The following SLC6A17 variants were observed in gnomAD, a reference collection of about 807,000 sequenced individuals.
SLC6A17 encodes the protein sodium-dependent neutral amino acid transporter SLC6A17.
SLC6A17 carries 21 observed loss-of-function variants against 64.5 expected under a neutral mutation model. The observed-to-expected ratio is 0.33, with a 90% CI of 0.23 to 0.47. The LOEUF is 0.47. SLC6A17 is among the 20% of genes least tolerant of loss of function. SLC6A17 has a pLI of 1.00. For missense variants in SLC6A17, 682 were observed against 963.2 expected (o/e 0.71, Z 3.86); for synonymous variants, 372 against 399.5 (o/e 0.93, Z 0.82).
intron 1 of SLC6A17, among the ~76,000 whole-genome samples, chr1:110,153,377 C>T: frequency 6.6e-6 from 1 of 152,110 alleles, no homozygotes; most frequent in African/African-American, 2.4e-5. Flanking sequence ...CCCTGGGCCC[C>T]TAGTTTTCTC....
intron 6 of SLC6A17, among the ~76,000 whole-genome samples, chr1:110,186,326 T>C (rs1013948450): frequency 1.3e-5 from 2 of 151,986 alleles, no homozygotes; most frequent in Admixed American, 1.3e-4. Flanking sequence ...TTATTGATCC[T>C]AAACCTTTTA....
intron 8 of SLC6A17, among the ~76,000 whole-genome samples, chr1:110,193,121 T>C (rs1656874784): frequency 6.6e-6 from 1 of 152,170 alleles, no homozygotes; most frequent in African/African-American, 2.4e-5. Flanking sequence ...ATGAGTTGAG[T>C]ATTCATATTG....
In SLC6A17 at chr1:110,202,007, C is replaced by G. The variant is rs1657140661; in HGVS notation, c.*3563C>G. The G allele has an allele frequency of 6.6e-6, 1 of 152,108 alleles. No individual in the cohort carries two copies. The highest frequency in any genetic ancestry group is 2.4e-5 in the African/African-American group (1 of 41,382). The allele number at this position is 152,108 out of a possible 1,614,324, so 9.4% of individuals were successfully genotyped here. On this transcript the variant is annotated 3_prime_UTR_variant, in exon 12 of 12. Transcript: ENST00000331565. ...ATTGAAAGCTCTGCTTTATACAGAC[C>G]CAAGCATACACACCAGGCCGTCACT... is the stretch of plus-strand genomic sequence containing the variant.
chr1:110,198,244 A>G lies in SLC6A17; in HGVS notation c.1984A>G (p.Lys662Glu). 6.2e-7 allele frequency: 1 copy of G among 1,614,150 alleles called. No homozygotes were observed. The highest frequency in any genetic ancestry group is 8.5e-7 in the Non-Finnish European group (1 of 1,180,020). ...SVSYKKGRMM[K>E]DISNLEENDE... Reference sequence around the variant, plus strand: ...GTCCTACAAGAAGGGCCGCATGATGAAGGACATCTCCAACCTGGAGGAGAA... The same window carrying G: ...GTCCTACAAGAAGGGCCGCATGATGGAGGACATCTCCAACCTGGAGGAGAA... Residue 662 changes from lysine (K) to glutamate (E), a missense_variant, in exon 12 of 12, where the codon AAG becomes GAG. By Grantham distance (56) the Lys-to-Glu change is moderately conservative. Transcript: ENST00000331565.
chr1:110,174,357 T>G (rs1487719790), intron 4 of SLC6A17, among the ~76,000 whole-genome samples: 1 of 152,214 alleles, frequency 6.6e-6, no homozygotes, highest in African/African-American at 2.4e-5. Flanking sequence ...ACCCTGTTAT[T>G]CCACTTCACA....
chr1:110,188,326 G>A (rs578002184), intron 6 of SLC6A17, among the ~76,000 whole-genome samples: 4 of 152,306 alleles, frequency 2.6e-5, no homozygotes, highest in African/African-American at 9.6e-5. Flanking sequence ...CCAGACATCC[G>A]CCTATGCAAG....
chr1:110,186,320 T>TGATC (rs1343662730), intron 6 of SLC6A17, among the ~76,000 whole-genome samples: 1 of 152,032 alleles, frequency 6.6e-6, no homozygotes, highest in Non-Finnish European at 1.5e-5. Context: ...ACATCTTTAT[T>TGATC]GATCCTAAAC....
At chr1:110,190,442 G>T (rs1040696253) in intron 6 of SLC6A17, among the ~76,000 whole-genome samples, 2 of 152,134 alleles carry the variant, frequency 1.3e-5, no homozygotes, top group African/African-American at 4.8e-5. Flanking sequence ...CTCTGCCAGC[G>T]CTCTGAGCTT....
Position 110,176,699 on chromosome 1 carries a change from G to C in SLC6A17, c.824G>C (p.Arg275Pro). The C allele has an allele frequency of 6.2e-7, 1 of 1,614,064 alleles. No homozygotes were observed. The highest frequency in any genetic ancestry group is 8.5e-7 in the Non-Finnish European group (1 of 1,179,970). The stretch of plus-strand genomic sequence containing the variant: ...TTCCTGGTCCGGGGGCTGTTGCTGC[G>C]AGGGGCAGTTGATGGCATCCTACAC... ...ACFLVRGLLL[R>P]GAVDGILHMF... The change falls in exon 6 of 12, where the codon CGA becomes CCA. Residue 275 changes from arginine (R) to proline (P), a missense_variant. This residue lies in a region of SLC6A17 where 415 missense variants were observed against 603.8 expected (regional missense o/e 0.69). Coordinates refer to ENST00000331565, the MANE Select transcript of SLC6A17 (RefSeq NM_001010898.4).
intron 1 of SLC6A17, among the ~76,000 whole-genome samples, chr1:110,159,646 T>G (rs142954044): frequency 6.6e-6 from 1 of 152,352 alleles, no homozygotes; most frequent in East Asian, 1.9e-4. Context: ...GGATTCTGTC[T>G]ACAAAGTAGG....
At chr1:110,169,331 A>G (rs1656155148) in intron 2 of SLC6A17, among the ~76,000 whole-genome samples, 1 of 152,352 alleles carries the variant, frequency 6.6e-6, no homozygotes, top group South Asian at 2.1e-4. Flanking sequence ...AATCTTTGCA[A>G]CAGCCCTGTG....
At chr1:110,168,493 G>A (rs553151465) in intron 2 of SLC6A17, among the ~76,000 whole-genome samples, 30 of 152,274 alleles carry the variant, frequency 2.0e-4, no homozygotes, top group Non-Finnish European at 3.5e-4. Context: ...TATATTAGCT[G>A]CATGGTCTCC....
intron 1 of SLC6A17, among the ~76,000 whole-genome samples, chr1:110,162,551 A>C (rs1475530024): frequency 6.6e-6 from 1 of 152,158 alleles, no homozygotes; most frequent in South Asian, 2.1e-4. Context: ...CATGAGATAC[A>C]TGGGTACGGG....
chr1:110,165,532 T>C (rs1463825226), intron 1 of SLC6A17, among the ~76,000 whole-genome samples: 1 of 152,188 alleles, frequency 6.6e-6, no homozygotes, highest in African/African-American at 2.4e-5. Flanking sequence ...CACCTGCTAA[T>C]GTGGTCCAAG....
intron 1 of SLC6A17, 56 bp from the exon 2 acceptor site, chr1:110,166,787 C>G: frequency 8.9e-7 from 1 of 1,120,054 alleles, no homozygotes; most frequent in Non-Finnish European, 1.2e-6. Flanking sequence ...CCACGTTGGG[C>G]TCCTCACCTT....
intron 1 of SLC6A17, among the ~76,000 whole-genome samples, chr1:110,162,501 C>T (rs1655939960): frequency 6.6e-6 from 1 of 152,204 alleles, no homozygotes; most frequent in African/African-American, 2.4e-5. Flanking sequence ...TCAGGCCCAG[C>T]ACCTAGCTGG....
intron 6 of SLC6A17, among the ~76,000 whole-genome samples, chr1:110,191,586 G>A (rs1656825192): frequency 6.6e-6 from 1 of 152,134 alleles, no homozygotes; most frequent in Non-Finnish European, 1.5e-5. Flanking sequence ...ACTCTAGGAG[G>A]CACCTGTCAC....
intron 1 of SLC6A17, among the ~76,000 whole-genome samples, chr1:110,158,539 G>A (rs920858267): frequency 2.0e-5 from 3 of 152,234 alleles, no homozygotes; most frequent in African/African-American, 7.2e-5. Context: ...TGAGGGCCTG[G>A]CCTGAGTTGA....
At chr1:110,179,486 AG>A (rs1273618550) in intron 6 of SLC6A17, among the ~76,000 whole-genome samples, 1 of 150,922 alleles carries the variant, frequency 6.6e-6, no homozygotes, top group African/African-American at 2.5e-5. Flanking sequence ...TTTGAGCAGT[AG>A]GGGGTGCTTC....
Sources: gnomAD v4.1 joint callset for allele counts (sites outside exome capture counted in the v4.1 genomes callset) on GRCh38, gnomAD v4.1.1 for gene constraint, gnomAD v4.1.1 regional missense constraint, MANE v1.5 for transcripts, NCBI Gene and HGNC (gene_info 2026-07-23, HGNC 2026-07-21) for gene names.